Variants in ACSL6 observed in about 807,000 individuals in gnomAD.
ACSL6 encodes long-chain-fatty-acid--CoA ligase 6.
A neutral mutation model predicts 98.2 loss-of-function variants in ACSL6; 47 were observed. That is an observed-to-expected ratio of 0.48 (90% CI 0.38 to 0.61). The LOEUF is 0.61. ACSL6 is among the 20% of genes least tolerant of loss of function. The pLI is 0.00. For synonymous variants in ACSL6, 362 were observed against 336.9 expected (o/e 1.07, Z -0.82); for missense variants, 761 against 913.4 (o/e 0.83, Z 2.15).
At chr5:131,984,471 A>ATGGAAAGGCAGCACT (rs1409527512) in intron 9 of ACSL6, 1 of 152,242 alleles carries the variant, frequency 6.6e-6, no homozygotes, top group African/African-American at 2.4e-5. Context: ...ATCAGATGAG[A>ATGGAAAGGCAGCACT]TGGAAAGGCA....
chr5:131,973,435 A>G, intron 11 of ACSL6, 35 bp from the exon 12 acceptor site: 1 of 1,608,450 alleles, frequency 6.2e-7, no homozygotes, highest in South Asian at 1.1e-5. Flanking sequence ...GGAGTCCCTT[A>G]GGGTGGTCAC....
At chr5:131,981,459 C>T (rs1753892120) in intron 9 of ACSL6, among the ~76,000 whole-genome samples, 1 of 126,440 alleles carries the variant, frequency 7.9e-6, no homozygotes, top group South Asian at 2.3e-4. Flanking sequence ...CAGATCAAGA[C>T]ATAGAACATC....
Position 131,976,665 on chromosome 5 carries a change from A to T in ACSL6, c.973T>A (p.Phe325Ile), listed in dbSNP as rs1187729656. 6.2e-7 allele frequency: 1 copy of T among 1,614,200 alleles called. No individual in the cohort carries two copies. Among genetic ancestry groups the T allele is most frequent in the South Asian group, 1.1e-5 (1 of 91,084 alleles). ...HGNVVADFSG[F>I]LKVTEKVIFP... ...TTATTCACCTCTGTCACTTTCAGAA[A>T]GCCTGAGAAATCAGCCACCACGTTC... Residue 325 changes from phenylalanine (F) to isoleucine (I), a missense_variant, in exon 10 of 21, where the codon TTT (phenylalanine) becomes ATT (isoleucine). Coordinates refer to ENST00000651883, the MANE Select transcript of ACSL6 (RefSeq NM_001009185.3).
intron 1 of ACSL6, among the ~76,000 whole-genome samples, chr5:132,002,500 T>C (rs1441056388): frequency 1.3e-5 from 2 of 151,826 alleles, no homozygotes; most frequent in Admixed American, 6.6e-5. Flanking sequence ...CCTGCCAATA[T>C]ATGGTTGGGG....
intron 6 of ACSL6, chr5:131,988,454 C>G: frequency 6.8e-7 from 1 of 1,477,650 alleles, no homozygotes; most frequent in South Asian, 1.2e-5. Flanking sequence ...AGTCCAAGCT[C>G]CCCTTTGTTC....
At chr5:131,972,325 AAAG>A (rs1753353857) in intron 13 of ACSL6, among the ~76,000 whole-genome samples, 2 of 152,272 alleles carry the variant, frequency 1.3e-5, no homozygotes, top group African/African-American at 4.8e-5. Context: ...CAGAAAAGAA[AAAG>A]AAGATTTTGA....
Position 132,005,943 on chromosome 5 carries a change from C to T in ACSL6, c.49+5562G>A, listed in dbSNP as rs114964148. ...TATCAATTACTAAGTCTGTTCCTGG[C>T]CCTAACAGGTGCCAGCCCACATTTG... On this transcript the variant is annotated intron_variant, in intron 1 of 20. Transcript: ENST00000651883. Among the ~76,000 whole-genome samples the T allele has an allele frequency of 1.1e-3, 163 of 152,296 alleles. 1 individual carries two copies. Among genetic ancestry groups the T allele is most frequent in the Middle Eastern group, 3.4e-3 (1 of 294 alleles).
intron 10 of ACSL6, chr5:131,975,825 C>G: frequency 1.0e-6 from 1 of 985,456 alleles, no homozygotes; most frequent in South Asian, 4.7e-5. Context: ...TTTGCAGAGG[C>G]CTTCACTCTC....
intron 20 of ACSL6, among the ~76,000 whole-genome samples, chr5:131,958,398 G>A (rs1752530178): frequency 2.0e-5 from 3 of 152,232 alleles, no homozygotes; most frequent in Admixed American, 2.0e-4. Flanking sequence ...GAAGGGCAAT[G>A]AAGTCAGTTC....
chr5:131,970,158 T>C lies in ACSL6; in HGVS notation c.1477A>G (p.Thr493Ala), dbSNP rs1753226262. 6.2e-7 allele frequency: 1 copy of C among 1,613,962 alleles called. No homozygotes were observed. Among genetic ancestry groups the C allele is most frequent in the Non-Finnish European group, 8.5e-7 (1 of 1,180,024 alleles). The change falls in exon 15 of 21, where the codon ACC (threonine) becomes GCC (alanine). Residue 493 changes from threonine (T) to alanine (A), a missense_variant. Transcript: ENST00000651883. ...GTCCAGTCGCCAGGAGTGGTGAAGGTACATCCAGCTGTGCACTCAGTTTGG... is the reference window on the plus strand; with the variant it reads ...GTCCAGTCGCCAGGAGTGGTGAAGGCACATCCAGCTGTGCACTCAGTTTGG... ...YGQTECTAGC[T>A]FTTPGDWTSG...
intron 1 of ACSL6, among the ~76,000 whole-genome samples, chr5:132,002,486 G>A (rs1218063789): frequency 6.6e-6 from 1 of 152,172 alleles, no homozygotes; most frequent in African/African-American, 2.4e-5. Flanking sequence ...GAAGTAGGGA[G>A]GGTCCTGCCA....
intron 17 of ACSL6, among the ~76,000 whole-genome samples, chr5:131,964,127 C>T (rs1213417047): frequency 6.6e-6 from 1 of 152,180 alleles, no homozygotes; most frequent in African/African-American, 2.4e-5. Context: ...CTTGAACATA[C>T]TCTTCCAAAA....
At chr5:132,001,985 T>C (rs192804035) in intron 1 of ACSL6, 2 of 152,170 alleles carry the variant, frequency 1.3e-5, no homozygotes, top group East Asian at 1.9e-4. Context: ...TCACCATGAA[T>C]TAGGCAGGAC....
At chr5:131,979,667 G>A (rs1753794478) in intron 9 of ACSL6, among the ~76,000 whole-genome samples, 1 of 152,200 alleles carries the variant, frequency 6.6e-6, no homozygotes, top group Admixed American at 6.5e-5. Context: ...CTCTACATGT[G>A]GTCCCAAAGG....
At chr5:131,976,074 A>G (rs533803297) in intron 10 of ACSL6, 1 of 985,510 alleles carries the variant, frequency 1.0e-6, no homozygotes, top group South Asian at 4.7e-5. Flanking sequence ...AGGAAACTGC[A>G]GGACATACTC....
rs1022930627 is a variant in ACSL6, at chr5:131,951,711, G to C, written c.*2523C>G. 4.0e-4 allele frequency: 65 copies of C among 164,264 alleles called. No homozygotes were observed. Among genetic ancestry groups the C allele is most frequent in the Non-Finnish European group, 7.0e-4 (53 of 75,288 alleles). The allele number at this position is 164,264 out of a possible 1,614,324, so 10.2% of individuals were successfully genotyped here. Reference sequence around the variant, plus strand: ...TGCCATTCTCCTGCCTCAGCCTCCCGAGTAGCTGGGACTACAGGCGCCCGC... The same window carrying C: ...TGCCATTCTCCTGCCTCAGCCTCCCCAGTAGCTGGGACTACAGGCGCCCGC... On this transcript the variant is annotated 3_prime_UTR_variant, in exon 21 of 21. Coordinates refer to ENST00000651883, the MANE Select transcript of ACSL6 (RefSeq NM_001009185.3).
At chr5:132,009,985 C>T (rs60539994) in intron 1 of ACSL6, among the ~76,000 whole-genome samples, 5,550 of 152,214 alleles carry the variant, frequency 0.036, 294 homozygotes, top group African/African-American at 0.12. Flanking sequence ...TGGGGAGAGG[C>T]TCTGAGACCA....
At chr5:132,000,648 T>C (rs998325902) in intron 1 of ACSL6, among the ~76,000 whole-genome samples, 5 of 152,108 alleles carry the variant, frequency 3.3e-5, no homozygotes, top group Admixed American at 1.3e-4. Context: ...GCTAGACTCA[T>C]GGTGGCACCT....
chr5:131,989,637 C>G, intron 4 of ACSL6, 129 bp from the exon 5 acceptor site: 1 of 681,642 alleles, frequency 1.5e-6, no homozygotes. Context: ...GATCTATCAC[C>G]CAGGCTGGAG....
Sources: gnomAD v4.1 joint callset for allele counts (sites outside exome capture counted in the v4.1 genomes callset) on GRCh38, gnomAD v4.1.1 for gene constraint, MANE v1.5 for transcripts, NCBI Gene and HGNC (gene_info 2026-07-23, HGNC 2026-07-21) for gene names.